The following STX7 variants were observed in gnomAD, a reference collection of about 807,000 sequenced individuals.
STX7 encodes syntaxin 7.
In STX7, 34 loss-of-function variants were observed where a neutral mutation model predicts 39.6. That is an observed-to-expected ratio of 0.86 (90% confidence interval 0.65 to 1.14). The LOEUF (loss-of-function observed/expected upper bound fraction) is 1.14. Among genes scored for constraint, STX7 ranks in the 50% most tolerant of loss-of-function variants. STX7 has a pLI of 0.00. For synonymous variants in STX7, 119 were observed against 99.1 expected, an observed-to-expected ratio of 1.20 and a Z score of -1.19; for missense variants, 284 against 310.4, an observed-to-expected ratio of 0.92 and a Z score of 0.64.
chr6:132,495,486 C>T (rs1370802304), intron 2 of STX7, among the ~76,000 whole-genome samples: 2 of 152,114 alleles, frequency 1.3e-5, no homozygotes, highest in Admixed American at 1.3e-4. Flanking sequence ...AACAATTTTT[C>T]AACTCTTTTT....
At chr6:132,462,169 T>C (rs962735963) in intron 9 of STX7, among the ~76,000 whole-genome samples, 1 of 152,232 alleles carries the variant, frequency 6.6e-6, no homozygotes, top group African/African-American at 2.4e-5. Flanking sequence ...GTACTCCCCC[T>C]AGCGTGGGGT....
intron 2 of STX7, among the ~76,000 whole-genome samples, chr6:132,482,668 T>C (rs1007371378): frequency 3.3e-5 from 5 of 152,164 alleles, no homozygotes; most frequent in Admixed American, 2.0e-4. Flanking sequence ...TGTGTCTAGA[T>C]TGAAGAAGTA....
chr6:132,479,562 C>A (rs1774964935), intron 2 of STX7, among the ~76,000 whole-genome samples: 1 of 152,162 alleles, frequency 6.6e-6, no homozygotes, highest in Non-Finnish European at 1.5e-5. Context: ...ACATTTTGCT[C>A]TACGTATGTC....
At chr6:132,462,939 C>T (rs927378078) in intron 9 of STX7, among the ~76,000 whole-genome samples, 6 of 152,026 alleles carry the variant, frequency 3.9e-5, no homozygotes, top group Non-Finnish European at 8.8e-5. Flanking sequence ...AAGTTAACAG[C>T]GGCTGGGCAT....
chr6:132,504,214 A>G (rs576960205), intron 1 of STX7, among the ~76,000 whole-genome samples: 26 of 152,354 alleles, frequency 1.7e-4, no homozygotes, highest in Middle Eastern at 3.4e-3. Context: ...TGTATGATTA[A>G]TAGGGCTCTA....
chr6:132,488,664 A>G (rs1222266185), intron 2 of STX7, among the ~76,000 whole-genome samples: 1 of 152,222 alleles, frequency 6.6e-6, no homozygotes, highest in Non-Finnish European at 1.5e-5. Context: ...TGATATAATT[A>G]TAAGAATTGT....
chr6:132,470,696 C>G, intron 5 of STX7, 70 bp from the exon 6 acceptor site: 7 of 1,064,230 alleles, frequency 6.6e-6, no homozygotes, highest in Non-Finnish European at 1.0e-5. Context: ...AATAAACACT[C>G]ATATTTTCCC....
intron 2 of STX7, among the ~76,000 whole-genome samples, chr6:132,490,347 G>C (rs1336499667): frequency 6.6e-6 from 1 of 152,126 alleles, no homozygotes; most frequent in Non-Finnish European, 1.5e-5. Flanking sequence ...AGTCATTTCT[G>C]ATCAGTTCTA....
At chr6:132,488,576 T>C (rs1288434447) in intron 2 of STX7, among the ~76,000 whole-genome samples, 1 of 152,236 alleles carries the variant, frequency 6.6e-6, no homozygotes, top group Admixed American at 6.5e-5. Context: ...TCAGTTTTTT[T>C]TAAGTGTTCA....
intron 2 of STX7, among the ~76,000 whole-genome samples, chr6:132,493,609 G>A (rs1346707636): frequency 1.3e-5 from 2 of 152,198 alleles, no homozygotes; most frequent in Admixed American, 1.3e-4. Context: ...CCCCAGCCAT[G>A]TGGAAATGTG....
intron 2 of STX7, among the ~76,000 whole-genome samples, chr6:132,497,831 G>A (rs141447241): frequency 6.4e-4 from 97 of 152,340 alleles, no homozygotes; most frequent in Middle Eastern, 6.8e-3. Flanking sequence ...AGAAATGATA[G>A]AAGGTAAACA....
chr6:132,481,706 C>G (rs1292029291), intron 2 of STX7, among the ~76,000 whole-genome samples: 2 of 152,140 alleles, frequency 1.3e-5, no homozygotes, highest in Non-Finnish European at 2.9e-5. Flanking sequence ...GCCCCCTACA[C>G]TTATGCAGCA....
chr6:132,472,260 A>T, intron 4 of STX7, 22 bp downstream of exon 4: 1 of 1,585,750 alleles, frequency 6.3e-7, no homozygotes. Context: ...ATACATCAAC[A>T]ATGTGTCTTA....
At chr6:132,471,431 T>C in intron 5 of STX7, 32 bp downstream of exon 5, 1 of 1,598,234 alleles carries the variant, frequency 6.3e-7, no homozygotes, top group Non-Finnish European at 8.5e-7. Context: ...AGTAACCATG[T>C]TCATTTCTAG....
At position 132,455,563 on chromosome 6, in the gene STX7, C is replaced by T. The variant is rs565032392; in HGVS notation, c.*5195G>A. 2.0e-5 allele frequency: 3 copies of T among 152,268 alleles called. No homozygotes were observed. In the South Asian group the frequency reaches 6.2e-4, roughly 32 times the overall value. 9.4% of individuals were successfully genotyped at this position (152,268 alleles called of 1,614,324 possible). On this transcript the variant is annotated 3_prime_UTR_variant, in exon 10 of 10. Coordinates refer to ENST00000367941, the MANE Select transcript of STX7 (RefSeq NM_003569.3). ...GACTGGACAGGAAATCTGGTTTTGCCTTCCACCACTTACATTTTAAGCATA... is the reference window on the plus strand; with the variant it reads ...GACTGGACAGGAAATCTGGTTTTGCTTTCCACCACTTACATTTTAAGCATA...
intron 2 of STX7, among the ~76,000 whole-genome samples, chr6:132,500,140 C>T (rs1471152848): frequency 6.6e-6 from 1 of 152,222 alleles, no homozygotes; most frequent in African/African-American, 2.4e-5. Context: ...GCATACCTCC[C>T]TGCTATTCCC....
chr6:132,463,888 C>G (rs1019189736), intron 9 of STX7, 105 bp downstream of exon 9: 4 of 1,058,004 alleles, frequency 3.8e-6, no homozygotes. Flanking sequence ...ATTTTAACAT[C>G]TTCAGCCATT....
intron 2 of STX7, among the ~76,000 whole-genome samples, chr6:132,489,683 C>T (rs947576714): frequency 1.3e-5 from 2 of 152,166 alleles, no homozygotes; most frequent in African/African-American, 4.8e-5. Flanking sequence ...AGCATCCACC[C>T]GCAAGGCCCA....
intron 2 of STX7, among the ~76,000 whole-genome samples, chr6:132,493,128 C>T (rs903125864): frequency 6.6e-6 from 1 of 152,082 alleles, no homozygotes; most frequent in African/African-American, 2.4e-5. Context: ...GGTGGCCATA[C>T]TCAATATCAT....
Sources: gnomAD v4.1 joint callset for allele counts (sites outside exome capture counted in the v4.1 genomes callset) on GRCh38, gnomAD v4.1.1 for gene constraint, MANE v1.5 for transcripts, NCBI Gene and HGNC (gene_info 2026-07-23, HGNC 2026-07-21) for gene names.